Variants in USP37 observed in about 807,000 individuals in gnomAD.
USP37 encodes the protein ubiquitin specific peptidase 37, also known as ubiquitin carboxyl-terminal hydrolase 37.
A neutral mutation model predicts 124.0 loss-of-function variants in USP37; 27 were observed. The ratio of observed to expected loss-of-function variants is 0.22; its 90% confidence interval spans 0.16 to 0.30. The LOEUF (loss-of-function observed/expected upper bound fraction) is 0.30, where lower values mean the gene tolerates loss of function less well. Ranked by LOEUF, USP37 falls within the 10% of genes least tolerant of loss-of-function variation. The probability of loss-of-function intolerance (pLI) is 1.00; values close to 1 mark genes in which losing one functional copy is unlikely to be tolerated. For missense variants in USP37, 889 were observed against 1,140.4 expected (o/e 0.78, Z 3.17); for synonymous variants, 365 against 388.0 (o/e 0.94, Z 0.70).
chr2:218,531,630 A>T (rs1691333177), intron 9 of USP37, among the ~76,000 whole-genome samples: 1 of 152,254 alleles, frequency 6.6e-6, no homozygotes, highest in South Asian at 2.1e-4. Flanking sequence ...GATCCCTCTG[A>T]TGGAGCTAGG....
At position 218,510,126 on chromosome 2, in the gene USP37, C is replaced by T; in HGVS notation, c.878G>A (p.Ser293Asn). The change falls in exon 11 of 26, where the codon AGC (serine) becomes AAC (asparagine). Residue 293 changes from serine to asparagine, a missense_variant. This residue lies in a region of USP37 where 374 missense variants were observed against 386.0 expected (regional missense o/e 0.97). Coordinates refer to ENST00000258399, the MANE Select transcript of USP37 (RefSeq NM_020935.3). Reference protein sequence around the residue: ...GTNLDRTNVSSQTPSAKRSLG... With the variant: ...GTNLDRTNVSNQTPSAKRSLG... ...ACTTCTTTTGGCAGAGGGAGTCTGG[C>T]TTGAAACATTAGTCCTACAAAAAAG... 6.2e-7 allele frequency: 1 copy of T among 1,609,296 alleles called. No homozygotes were observed. The highest frequency in any genetic ancestry group is 8.5e-7 in the Non-Finnish European group (1 of 1,178,952).
chr2:218,552,876 C>T (rs1310268797), intron 5 of USP37, among the ~76,000 whole-genome samples: 2 of 152,098 alleles, frequency 1.3e-5, no homozygotes, highest in South Asian at 2.1e-4. Flanking sequence ...TGAGATCACA[C>T]GACTGCACTC....
intron 1 of USP37, among the ~76,000 whole-genome samples, chr2:218,567,125 T>C (rs1693652555): frequency 6.6e-6 from 1 of 152,024 alleles, no homozygotes; most frequent in Non-Finnish European, 1.5e-5. Flanking sequence ...AATATAAGAG[T>C]AAAAGAAGAG....
Position 218,558,382 on chromosome 2 carries a change from GAAGC to G in USP37, c.156+112_156+115del, listed in dbSNP as rs1486112625. On this transcript the variant is annotated intron_variant, in intron 4 of 25. Coordinates refer to ENST00000258399, the MANE Select transcript of USP37 (RefSeq NM_020935.3). ...AAAAATATTAATGTCCTAGAAATAA[GAAGC>G]AAGAAATATTAATCTAGGAGGAGGG... The G allele has an allele frequency of 8.6e-6, 8 of 925,358 alleles. No homozygotes were observed. The Admixed American group carries it at 1.4e-4, about 16-fold the overall frequency. 57.3% of individuals were successfully genotyped at this position (925,358 alleles called of 1,614,324 possible).
intron 8 of USP37, among the ~76,000 whole-genome samples, chr2:218,535,379 A>AT (rs1446836307): frequency 6.7e-6 from 1 of 150,108 alleles, no homozygotes; most frequent in East Asian, 2.0e-4. Flanking sequence ...AAAAAAAAAA[A>AT]GTACAATGTT....
At chr2:218,464,947 G>A (rs188067974) in intron 21 of USP37, among the ~76,000 whole-genome samples, 6 of 152,026 alleles carry the variant, frequency 3.9e-5, no homozygotes, top group Non-Finnish European at 8.8e-5. Flanking sequence ...CGGGCATGGT[G>A]GATGCTCCTG....
intron 20 of USP37, among the ~76,000 whole-genome samples, chr2:218,472,037 A>G (rs761693237): frequency 1.5e-3 from 26 of 17,012 alleles, no homozygotes; most frequent in South Asian, 6.1e-3. Flanking sequence ...CCGCCCCAGG[A>G]AAAAAAAAAA....
intron 4 of USP37, among the ~76,000 whole-genome samples, chr2:218,554,182 G>A (rs1692818674): frequency 6.6e-6 from 1 of 152,128 alleles, no homozygotes; most frequent in Admixed American, 6.5e-5. Flanking sequence ...ACATATAGCA[G>A]GTCCTCAAAT....
At chr2:218,457,188 T>C in intron 23 of USP37, 27 bp from the exon 24 acceptor site, 1 of 1,603,944 alleles carries the variant, frequency 6.2e-7, no homozygotes. Context: ...GGTATAACTT[T>C]TAAGTCTTCA....
intron 18 of USP37, 23 bp downstream of exon 18, chr2:218,479,627 G>C: frequency 6.2e-7 from 1 of 1,604,798 alleles, no homozygotes. Context: ...ACAGATTTTG[G>C]GTACATAAGA....
chr2:218,546,373 G>A, intron 7 of USP37, 75 bp from the exon 8 acceptor site: 2 of 988,970 alleles, frequency 2.0e-6, no homozygotes, highest in Non-Finnish European at 1.5e-6. Flanking sequence ...TCAACATACT[G>A]AAGGACAGGA....
chr2:218,550,010 G>A (rs1238711814), intron 5 of USP37, 101 bp from the exon 6 acceptor site: 4 of 809,272 alleles, frequency 4.9e-6, no homozygotes, highest in South Asian at 2.7e-5. Flanking sequence ...AGAAATGGAC[G>A]AAACAGCAGG....
intron 24 of USP37, among the ~76,000 whole-genome samples, chr2:218,456,127 T>C (rs1689685317): frequency 6.6e-6 from 1 of 151,660 alleles, no homozygotes; most frequent in Non-Finnish European, 1.5e-5. Context: ...ATTCACCTTA[T>C]CCTCAACACT....
rs1691519830 is a variant in USP37, at chr2:218,534,649, C to T, written c.738G>A (p.Lys246=). ...CTTCTGACTGTTTCAAACTCAGCTG[C>T]TTTTCTCTACTGCTGGTTAAATACT... The part of the protein sequence containing the change: ...SRKYLTSSRE[K]QLSLKQSEEN... Residue 246 remains lysine (K), a synonymous_variant, in exon 9 of 26, where the codon AAG becomes AAA. Transcript: ENST00000258399. The T allele has an allele frequency of 1.1e-5, 18 of 1,610,446 alleles. No individual in the cohort carries two copies. Among genetic ancestry groups the T allele is most frequent in the Non-Finnish European group, 1.4e-5 (17 of 1,178,324 alleles).
intron 11 of USP37, among the ~76,000 whole-genome samples, chr2:218,506,084 G>A (rs1338142758): frequency 2.7e-5 from 4 of 149,600 alleles, no homozygotes; most frequent in Admixed American, 6.7e-5. Flanking sequence ...GATTGGTCTC[G>A]AATTCCTGGG....
chr2:218,458,050 A>AAAAG (rs1157355417), intron 23 of USP37, among the ~76,000 whole-genome samples: 3 of 150,264 alleles, frequency 2.0e-5, no homozygotes, highest in African/African-American at 4.9e-5. Context: ...AAAAAAAAAA[A>AAAAG]AAAAGAAAAG....
chr2:218,486,039 TC>T, intron 15 of USP37: 1 of 295,910 alleles, frequency 3.4e-6, no homozygotes, highest in Admixed American at 4.9e-5. Flanking sequence ...TTCAGCCTTT[TC>T]CCCATGGACA....
rs572237032 is a variant in USP37 at position 218,463,637 on chromosome 2, G to A, written c.2467-271C>T. On this transcript the variant is annotated intron_variant, in intron 21 of 25. Transcript: ENST00000258399. ...TGCAAGCTCCGCCTCCTGGGTTCAC[G>A]CCATTCTCCCGCCTCAGCCTCCCAA... 1.3e-4 allele frequency among the ~76,000 whole-genome samples: 19 copies of A among 146,544 alleles called. No individual in the cohort carries two copies. In the South Asian group the frequency reaches 1.5e-3, roughly 12 times the overall value.
At chr2:218,474,929 A>G in intron 19 of USP37, 44 bp from the exon 20 acceptor site, 1 of 1,553,996 alleles carries the variant, frequency 6.4e-7, no homozygotes, top group Non-Finnish European at 8.7e-7. Context: ...AATACCTACA[A>G]ATATAGCAAT....
Sources: gnomAD v4.1 joint callset for allele counts (sites outside exome capture counted in the v4.1 genomes callset) on GRCh38, gnomAD v4.1.1 for gene constraint, gnomAD v4.1.1 regional missense constraint, MANE v1.5 for transcripts, NCBI Gene and HGNC (gene_info 2026-07-23, HGNC 2026-07-21) for gene names.